CSMD1: variants seen among roughly 807,000 people sequenced by gnomAD.
CSMD1 encodes the protein CUB and sushi domain-containing protein 1.
A neutral mutation model predicts 417.5 loss-of-function variants in CSMD1; 213 were observed. That is an observed-to-expected ratio of 0.51 (90% CI 0.46 to 0.57). The LOEUF is 0.57. CSMD1 is among the 20% of genes least tolerant of loss of function. CSMD1 has a pLI of 0.00. For synonymous variants in CSMD1, 2,862 were observed against 1,736.8 expected (o/e 1.65, Z -16.11); for missense variants, 6,923 against 4,529.7 (o/e 1.53, Z -15.17).
intron 3 of CSMD1, among the ~76,000 whole-genome samples, chr8:4,250,791 T>C (rs1378914994): frequency 2.6e-5 from 4 of 152,202 alleles, no homozygotes. Flanking sequence ...AAATTACTTT[T>C]CTCTGTTGAA....
At chr8:3,987,157 G>C (rs865839209) in intron 5 of CSMD1, among the ~76,000 whole-genome samples, 1 of 152,078 alleles carries the variant, frequency 6.6e-6, no homozygotes, top group Admixed American at 6.5e-5. Flanking sequence ...GAGTTCTATG[G>C]GAGAAAGCAA....
At chr8:4,746,931 C>G (rs1810994850) in intron 1 of CSMD1, among the ~76,000 whole-genome samples, 1 of 152,156 alleles carries the variant, frequency 6.6e-6, no homozygotes, top group Non-Finnish European at 1.5e-5. Context: ...TGTAATGAAT[C>G]TGATGATTCA....
Position 4,825,526 on chromosome 8 carries a change from C to G in CSMD1, c.85+168806G>C, listed in dbSNP as rs1799774593. Among the ~76,000 whole-genome samples, 5 of 152,066 alleles carry G rather than the reference C, an allele frequency of 3.3e-5. No individual in the cohort carries two copies. The South Asian group carries it at 1.0e-3, about 32-fold the overall frequency. Reference sequence around the variant, plus strand: ...TTTCCTTCCCCTGGCCCCTGGTAAACACAATTCTACTCTCTGCTTATATGT... The same window carrying G: ...TTTCCTTCCCCTGGCCCCTGGTAAAGACAATTCTACTCTCTGCTTATATGT... On this transcript the variant is annotated intron_variant, in intron 1 of 69. Transcript: ENST00000635120.
At chr8:3,320,259 G>A (rs1806065530) in intron 23 of CSMD1, among the ~76,000 whole-genome samples, 1 of 152,154 alleles carries the variant, frequency 6.6e-6, no homozygotes, top group African/African-American at 2.4e-5. Context: ...GAGAAGAAAT[G>A]GGAGACAACT....
chr8:4,802,660 A>G (rs1798366145), intron 1 of CSMD1, among the ~76,000 whole-genome samples: 1 of 152,088 alleles, frequency 6.6e-6, no homozygotes, highest in African/African-American at 2.4e-5. Flanking sequence ...GCTTCTGATA[A>G]CTTTGTAATA....
intron 2 of CSMD1, among the ~76,000 whole-genome samples, chr8:4,470,811 G>C (rs747298898): frequency 4.6e-5 from 7 of 152,114 alleles, no homozygotes; most frequent in Non-Finnish European, 1.0e-4. Flanking sequence ...CATTCTTACA[G>C]GTTATCTGAA....
intron 12 of CSMD1, among the ~76,000 whole-genome samples, chr8:3,443,340 G>A (rs148398617): frequency 1.3e-5 from 2 of 150,114 alleles, no homozygotes; most frequent in Admixed American, 6.6e-5. Flanking sequence ...AGAGGAGAGA[G>A]AGAGAAAGAG....
chr8:3,845,627 A>C (rs1248074713), intron 5 of CSMD1, among the ~76,000 whole-genome samples: 2 of 152,138 alleles, frequency 1.3e-5, no homozygotes, highest in Non-Finnish European at 2.9e-5. Context: ...CAGTGTACTT[A>C]GGCACACTAA....
intron 4 of CSMD1, among the ~76,000 whole-genome samples, chr8:4,023,006 C>A (rs982533313): frequency 5.9e-5 from 9 of 152,130 alleles, no homozygotes; most frequent in Admixed American, 5.9e-4. Flanking sequence ...AGTCTTTTAC[C>A]AAATCCGTGT....
intron 3 of CSMD1, among the ~76,000 whole-genome samples, chr8:4,045,806 AT>A (rs1645016332): frequency 6.6e-6 from 1 of 152,188 alleles, no homozygotes; most frequent in African/African-American, 2.4e-5. Flanking sequence ...ATTGTGAGAC[AT>A]GGCTTCTCAG....
At chr8:4,458,776 A>C (rs548687716) in intron 2 of CSMD1, among the ~76,000 whole-genome samples, 28 of 152,102 alleles carry the variant, frequency 1.8e-4, no homozygotes, top group Non-Finnish European at 3.4e-4. Context: ...TGAATAAGAT[A>C]ACGGTTAGGA....
intron 10 of CSMD1, among the ~76,000 whole-genome samples, chr8:3,550,103 C>G (rs997824183): frequency 6.6e-6 from 1 of 152,058 alleles, no homozygotes; most frequent in Non-Finnish European, 1.5e-5. Context: ...AGCACAGAGC[C>G]GATAAAAAAG....
intron 21 of CSMD1, among the ~76,000 whole-genome samples, chr8:3,357,099 A>G (rs1457526810): frequency 6.6e-6 from 1 of 152,112 alleles, no homozygotes; most frequent in Non-Finnish European, 1.5e-5. Flanking sequence ...AGCGGCCAGA[A>G]TCCTCCAGAG....
intron 3 of CSMD1, among the ~76,000 whole-genome samples, chr8:4,379,646 G>A (rs1012069318): frequency 1.3e-5 from 2 of 151,604 alleles, no homozygotes; most frequent in African/African-American, 2.4e-5. Flanking sequence ...AAATGAGTCT[G>A]CTGGACTTTT....
At position 4,426,939 on chromosome 8, in the gene CSMD1, T is replaced by G. The variant is rs147085551; in HGVS notation, c.303-6874A>C. 2.1e-3 allele frequency among the ~76,000 whole-genome samples: 313 copies of G among 152,064 alleles called. 2 individuals are homozygous for G. Among genetic ancestry groups the G allele is most frequent in the African/African-American group, 7.2e-3 (300 of 41,506 alleles). ...ATTTTATATAGAAGAGAAATTATGG[T>G]AGAAGTATTCGGTCACTGGATAAGA... is the stretch of plus-strand genomic sequence containing the variant. On this transcript the variant is annotated intron_variant, in intron 2 of 69. Coordinates refer to ENST00000635120, the MANE Select transcript of CSMD1 (RefSeq NM_033225.6).
At chr8:3,312,839 G>C (rs1805455170) in intron 23 of CSMD1, among the ~76,000 whole-genome samples, 1 of 152,124 alleles carries the variant, frequency 6.6e-6, no homozygotes, top group Non-Finnish European at 1.5e-5. Context: ...CAGACACTTT[G>C]ACCCCTAGGC....
At chr8:4,346,261 T>A (rs1472688009) in intron 3 of CSMD1, among the ~76,000 whole-genome samples, 1 of 152,118 alleles carries the variant, frequency 6.6e-6, no homozygotes, top group African/African-American at 2.4e-5. Context: ...ATCCAAAGAA[T>A]AATAATATTT....
intron 54 of CSMD1, among the ~76,000 whole-genome samples, chr8:2,986,137 C>T (rs774896448): frequency 9.0e-4 from 137 of 152,220 alleles, no homozygotes; most frequent in African/African-American, 3.0e-3. Context: ...AAAAGAAATA[C>T]GTTATAATTT....
At chr8:4,523,336 C>T (rs1211232153) in intron 2 of CSMD1, among the ~76,000 whole-genome samples, 1 of 152,150 alleles carries the variant, frequency 6.6e-6, no homozygotes, top group Non-Finnish European at 1.5e-5. Context: ...TAGACTCAGC[C>T]TGGGCTGCTG....
Sources: allele counts gnomAD v4.1 joint callset (sites outside exome capture counted in the v4.1 genomes callset), GRCh38; gene constraint gnomAD v4.1.1; transcripts MANE v1.5; gene names NCBI Gene and HGNC (gene_info 2026-07-23, HGNC 2026-07-21).